DYNC1I1: variants seen among roughly 807,000 people sequenced by gnomAD.
The protein encoded by DYNC1I1 is cytoplasmic dynein 1 intermediate chain 1.
In DYNC1I1, 43 loss-of-function variants were observed where a neutral mutation model predicts 86.6. That is an observed-to-expected ratio of 0.50 (90% CI 0.39 to 0.64). DYNC1I1 has a LOEUF of 0.64. Among genes scored for constraint, DYNC1I1 ranks in the 30% least tolerant of loss-of-function variants. The pLI is 0.00. For synonymous variants in DYNC1I1, 262 were observed against 283.7 expected, an observed-to-expected ratio of 0.92 and a Z score of 0.77; for missense variants, 604 against 788.8, an observed-to-expected ratio of 0.77 and a Z score of 2.81.
intron 5 of DYNC1I1, among the ~76,000 whole-genome samples, chr7:95,842,337 C>A (rs1281542877): frequency 6.6e-6 from 1 of 152,046 alleles, no homozygotes. Context: ...CTAGTTAGAA[C>A]AATTTTACAT....
intron 10 of DYNC1I1, among the ~76,000 whole-genome samples, chr7:95,999,694 A>G (rs1190706530): frequency 2.6e-5 from 4 of 152,148 alleles, no homozygotes; most frequent in Non-Finnish European, 5.9e-5. Flanking sequence ...GCTGGTGGTT[A>G]GGACAGGGAC....
intron 16 of DYNC1I1, among the ~76,000 whole-genome samples, chr7:96,080,916 A>G (rs1261577455): frequency 6.6e-6 from 1 of 151,766 alleles, no homozygotes; most frequent in Non-Finnish European, 1.5e-5. Flanking sequence ...CTAAAAATAC[A>G]AAAATTAGTC....
chr7:95,894,074 A>G (rs1347227922), intron 6 of DYNC1I1, among the ~76,000 whole-genome samples: 1 of 152,092 alleles, frequency 6.6e-6, no homozygotes, highest in African/African-American at 2.4e-5. Context: ...ATATTATACT[A>G]CTATCAAGTG....
chr7:95,839,134 A>C (rs1417017240), intron 5 of DYNC1I1, among the ~76,000 whole-genome samples: 7 of 151,994 alleles, frequency 4.6e-5, no homozygotes, highest in Non-Finnish European at 1.0e-4. Flanking sequence ...AGGTTCAAGC[A>C]ATTCTCCTGC....
chr7:96,053,822 A>G (rs1406325802), intron 14 of DYNC1I1, among the ~76,000 whole-genome samples: 1 of 152,306 alleles, frequency 6.6e-6, no homozygotes, highest in East Asian at 1.9e-4. Context: ...TATTACACAC[A>G]ATGTGGCATG....
intron 1 of DYNC1I1, among the ~76,000 whole-genome samples, chr7:95,780,747 A>C (rs906256840): frequency 6.6e-6 from 1 of 152,136 alleles, no homozygotes; most frequent in African/African-American, 2.4e-5. Flanking sequence ...AATGTTTATC[A>C]AGTTGTTGAA....
intron 14 of DYNC1I1, among the ~76,000 whole-genome samples, chr7:96,063,716 T>C (rs1266952753): frequency 6.6e-6 from 1 of 152,188 alleles, no homozygotes; most frequent in Non-Finnish European, 1.5e-5. Flanking sequence ...CAAACAACAG[T>C]CTCATATTCC....
chr7:95,864,624 G>A (rs868322859), intron 5 of DYNC1I1, among the ~76,000 whole-genome samples: 6 of 152,126 alleles, frequency 3.9e-5, no homozygotes, highest in South Asian at 2.1e-4. Context: ...TCCACTGCCC[G>A]GTCTGGAATC....
At chr7:96,057,851 C>A (rs2116147860) in intron 14 of DYNC1I1, among the ~76,000 whole-genome samples, 1 of 152,254 alleles carries the variant, frequency 6.6e-6, no homozygotes. Flanking sequence ...TTTCTGGCAA[C>A]AATTATAGGA....
chr7:95,778,902 C>A (rs1793915350), intron 1 of DYNC1I1, among the ~76,000 whole-genome samples: 1 of 152,046 alleles, frequency 6.6e-6, no homozygotes, highest in South Asian at 2.1e-4. Context: ...TGGCTTCCAG[C>A]AGTCCTTCTG....
chr7:96,043,180 AAAAG>A lies in DYNC1I1; in HGVS notation c.1509+3779_1509+3782del, dbSNP rs1181495341. 3.1e-4 allele frequency among the ~76,000 whole-genome samples: 47 copies of A among 151,650 alleles called. 1 individual carries two copies. The highest frequency in any genetic ancestry group is 1.0e-3 in the South Asian group (5 of 4,816). ...GAGACTCCATCTCAAAAAAAAAAAA[AAAAG>A]AAAGAAAGAAAGAAAGAAATGACAG... is the stretch of plus-strand genomic sequence containing the variant. On this transcript the variant is annotated intron_variant, in intron 14 of 16. Transcript: ENST00000447467.
Position 96,049,226 on chromosome 7 carries a change from C to T in DYNC1I1, c.1509+9805C>T, listed in dbSNP as rs1006885111. The stretch of plus-strand genomic sequence containing the variant: ...TGAGCCAAGAGTGTGCCACTGCACT[C>T]CAGCCTGGGTGACAGAGCAAGACTC... On this transcript the variant is annotated intron_variant, in intron 14 of 16. Coordinates refer to ENST00000447467, the MANE Select transcript of DYNC1I1 (RefSeq NM_001135556.2). Among the ~76,000 whole-genome samples the T allele has an allele frequency of 4.1e-5, 6 of 146,984 alleles. No individual in the cohort carries two copies. The Admixed American group carries it at 4.1e-4, about 10-fold the overall frequency.
At chr7:95,817,382 T>C (rs1478991) in intron 4 of DYNC1I1, among the ~76,000 whole-genome samples, 96,202 of 151,972 alleles carry the variant, frequency 0.63, 31,116 homozygotes, top group African/African-American at 0.76. Flanking sequence ...GTTTCCACAA[T>C]GTATATCTCT....
chr7:96,106,650 A>T (rs973875178), intron 16 of DYNC1I1, among the ~76,000 whole-genome samples: 8 of 152,140 alleles, frequency 5.3e-5, no homozygotes, highest in Admixed American at 6.5e-5. Flanking sequence ...TCTAATTTCC[A>T]TTGTGGTATA....
chr7:95,940,493 G>A (rs374340542), intron 6 of DYNC1I1, among the ~76,000 whole-genome samples: 18 of 152,012 alleles, frequency 1.2e-4, no homozygotes, highest in African/African-American at 2.9e-4. Flanking sequence ...GGCTTTGTTC[G>A]TTTCTTTTTA....
intron 6 of DYNC1I1, among the ~76,000 whole-genome samples, chr7:95,955,146 GT>G (rs1792676068): frequency 1.3e-5 from 2 of 152,030 alleles, no homozygotes; most frequent in African/African-American, 2.4e-5. Context: ...ATTCATGCTG[GT>G]TTTGATAAGT....
chr7:96,009,692 C>T (rs1284646058), intron 10 of DYNC1I1, among the ~76,000 whole-genome samples: 1 of 152,146 alleles, frequency 6.6e-6, no homozygotes, highest in Non-Finnish European at 1.5e-5. Flanking sequence ...ACACTGTGAA[C>T]ACTACTTAAA....
intron 6 of DYNC1I1, among the ~76,000 whole-genome samples, chr7:95,872,189 A>G (rs1364529983): frequency 6.6e-6 from 1 of 152,176 alleles, no homozygotes; most frequent in Admixed American, 6.5e-5. Flanking sequence ...GGTTGGCTCC[A>G]CTGTGGGGTT....
intron 10 of DYNC1I1, among the ~76,000 whole-genome samples, chr7:96,015,949 C>G (rs935786288): frequency 1.6e-4 from 25 of 152,060 alleles, no homozygotes; most frequent in Non-Finnish European, 1.5e-5. Context: ...TCAATAGAAC[C>G]ACCAAGGTAG....
Sources: allele counts gnomAD v4.1 joint callset (sites outside exome capture counted in the v4.1 genomes callset), GRCh38; gene constraint gnomAD v4.1.1; transcripts MANE v1.5; gene names NCBI Gene and HGNC (gene_info 2026-07-23, HGNC 2026-07-21).